KRT73: variants seen among roughly 807,000 people sequenced by gnomAD.
KRT73 encodes the protein keratin, type II cytoskeletal 73.
In KRT73, 44 loss-of-function variants were observed where a neutral mutation model predicts 47.2. The observed-to-expected ratio is 0.93, with a 90% CI of 0.73 to 1.20. KRT73 has a LOEUF of 1.20. KRT73 is among the 50% of genes most tolerant of loss of function. KRT73 has a pLI of 0.00. For synonymous variants in KRT73, 285 were observed against 291.3 expected, an observed-to-expected ratio of 0.98 and a Z score of 0.22; for missense variants, 713 against 704.5, an observed-to-expected ratio of 1.01 and a Z score of -0.14.
chr12:52,622,464 A>T (rs537243346), upstream of KRT73, among the ~76,000 whole-genome samples: 1 of 152,138 alleles, frequency 6.6e-6, no homozygotes, highest in Non-Finnish European at 1.5e-5. Flanking sequence ...AAAATAACCA[A>T]CTCTGGGAGA....
chr12:52,610,931 C>T, intron 6 of KRT73, 96 bp from the exon 7 acceptor site: 1 of 1,134,630 alleles, frequency 8.8e-7, no homozygotes, highest in Non-Finnish European at 1.3e-6. Context: ...TCTGTCCTGC[C>T]CCATGTCCTG....
chr12:52,608,873 CTTG>C (rs1261701508), intron 8 of KRT73, among the ~76,000 whole-genome samples: 1 of 152,192 alleles, frequency 6.6e-6, no homozygotes, highest in African/African-American at 2.4e-5. Flanking sequence ...ATTAAACTGG[CTTG>C]CACAGTGGTC....
upstream of KRT73, among the ~76,000 whole-genome samples, chr12:52,621,866 G>C (rs146418445): frequency 6.6e-6 from 1 of 152,034 alleles, no homozygotes; most frequent in Non-Finnish European, 1.5e-5. Context: ...GAAAGAAGCC[G>C]GGATTCCATC....
upstream of KRT73, among the ~76,000 whole-genome samples, chr12:52,623,438 A>G (rs978324149): frequency 3.7e-4 from 57 of 152,234 alleles, no homozygotes; most frequent in Non-Finnish European, 2.4e-4. Context: ...AAAACTAAGA[A>G]TGTGTTTCCA....
At chr12:52,624,090 A>G in the KRT73 span, among the ~76,000 whole-genome samples, 1 of 152,130 alleles carries the variant, frequency 6.6e-6, no homozygotes, top group East Asian at 1.9e-4. Flanking sequence ...TATCTCAACT[A>G]TAAGTGTCTA....
Position 52,613,718 on chromosome 12 carries a change from C to T in KRT73, c.954G>A (p.Lys318=). The change falls in exon 5 of 9, where the codon AAG becomes AAA. Residue 318 remains lysine (K), a synonymous_variant. Transcript: ENST00000305748. ...TCTGGTACAGGGCCTCGGCCTCGGC[C>T]TTGCTCTTCCGGGCGATCTCCTCAT... ...AQYEEIARKS[K]AEAEALYQTK... is the part of the protein sequence containing the mutation. The T allele has an allele frequency of 6.2e-7, 1 of 1,614,218 alleles. No homozygotes were observed. Among genetic ancestry groups the T allele is most frequent in the Non-Finnish European group, 8.5e-7 (1 of 1,180,030 alleles).
the KRT73 span, among the ~76,000 whole-genome samples, chr12:52,627,416 G>A: frequency 6.6e-6 from 1 of 152,188 alleles, no homozygotes. Flanking sequence ...GGCAGGACCT[G>A]TGCACCATTA....
At chr12:52,609,190 C>A in intron 8 of KRT73, 57 bp downstream of exon 8, 1 of 1,514,168 alleles carries the variant, frequency 6.6e-7, no homozygotes, top group African/African-American at 1.4e-5. Flanking sequence ...GGACACCCAC[C>A]CACTTTGTGT....
intron 5 of KRT73, among the ~76,000 whole-genome samples, chr12:52,611,946 G>T (rs1044496791): frequency 6.6e-6 from 1 of 152,162 alleles, no homozygotes; most frequent in Non-Finnish European, 1.5e-5. Flanking sequence ...CAGTCCATAG[G>T]TCTCCCCACA....
intron 3 of KRT73, 102 bp downstream of exon 3, chr12:52,615,177 G>A: frequency 1.0e-6 from 1 of 958,310 alleles, no homozygotes; most frequent in South Asian, 1.6e-5. Context: ...CAGCACTTTG[G>A]CTCCAGGCCC....
intron 4 of KRT73, 59 bp from the exon 5 acceptor site, chr12:52,613,911 T>A (rs1940758128): frequency 6.3e-7 from 1 of 1,583,264 alleles, no homozygotes; most frequent in Non-Finnish European, 8.6e-7. Flanking sequence ...GGTCCCAAGG[T>A]GATGGCCCTG....
the KRT73 span, among the ~76,000 whole-genome samples, chr12:52,627,883 A>G: frequency 1.3e-5 from 2 of 151,336 alleles, no homozygotes; most frequent in Non-Finnish European, 2.9e-5. Context: ...ACAGCCAAGC[A>G]AGGATAGAAC....
At chr12:52,617,129 A>G (rs1237556683) in intron 1 of KRT73, among the ~76,000 whole-genome samples, 1 of 152,052 alleles carries the variant, frequency 6.6e-6, no homozygotes, top group Non-Finnish European at 1.5e-5. Context: ...TTCCCCAGAC[A>G]AGTTCTACCA....
rs76479068 is a variant in KRT73, at chr12:52,616,965, C to T, written c.448-585G>A. Among the ~76,000 whole-genome samples the T allele has an allele frequency of 2.4e-3, 363 of 152,312 alleles. 1 individual carries two copies. The highest frequency in any genetic ancestry group is 4.5e-3 in the Non-Finnish European group (303 of 68,026). ...ACAAGCATTCTCAAGTTGCAACCTA[C>T]AAATATATCATTCCCTTGCTTAAAA... On this transcript the variant is annotated intron_variant, in intron 1 of 8. Coordinates refer to ENST00000305748, the MANE Select transcript of KRT73 (RefSeq NM_175068.3).
In KRT73 at chr12:52,608,147, A is replaced by C. The variant is rs1274761006; in HGVS notation, c.*49T>G. 1 of 1,561,362 alleles carries C rather than the reference A, an allele frequency of 6.4e-7. No individual in the cohort carries two copies. The highest frequency in any genetic ancestry group is 1.4e-5 in the African/African-American group (1 of 73,606). ...GGAATTTCCTAGAAGAGTCCGGAGCAGTCTGCCAGGGCAAGGCAGACTACT... is the reference window on the plus strand; with the variant it reads ...GGAATTTCCTAGAAGAGTCCGGAGCCGTCTGCCAGGGCAAGGCAGACTACT... On this transcript the variant is annotated 3_prime_UTR_variant, in exon 9 of 9. Transcript: ENST00000305748.
At chr12:52,617,231 CG>C (rs1459727133) in intron 1 of KRT73, among the ~76,000 whole-genome samples, 1 of 152,198 alleles carries the variant, frequency 6.6e-6, no homozygotes. Flanking sequence ...ACTGTCGCTC[CG>C]GGTGAGCTTC....
At chr12:52,617,986 C>A in intron 1 of KRT73, 92 bp downstream of exon 1, 1 of 1,375,938 alleles carries the variant, frequency 7.3e-7, no homozygotes, top group East Asian at 2.3e-5. Context: ...ATTTCTTGCT[C>A]TCAGGCAAAT....
the KRT73 span, among the ~76,000 whole-genome samples, chr12:52,625,886 G>A: frequency 6.6e-6 from 1 of 152,002 alleles, no homozygotes; most frequent in African/African-American, 2.4e-5. Context: ...GGGATTGTAT[G>A]ATTTGTATAT....
chr12:52,629,110 G>A, the KRT73 span, among the ~76,000 whole-genome samples: 1 of 152,206 alleles, frequency 6.6e-6, no homozygotes, highest in Non-Finnish European at 1.5e-5. Context: ...CCTGGATGCT[G>A]CACCAGATCC....
Sources: allele counts gnomAD v4.1 joint callset (sites outside exome capture counted in the v4.1 genomes callset), GRCh38; gene constraint gnomAD v4.1.1; transcripts MANE v1.5; gene names NCBI Gene and HGNC (gene_info 2026-07-23, HGNC 2026-07-21).